The following HK1 variants were observed in gnomAD, a reference collection of about 807,000 sequenced individuals.
HK1 encodes hexokinase 1.
Under a neutral mutation model 91.6 loss-of-function variants are expected in HK1, and 28 were observed. The ratio of observed to expected loss-of-function variants is 0.31; its 90% CI spans 0.23 to 0.42. The LOEUF is 0.42. Ranked by LOEUF, HK1 falls within the 10% of genes least tolerant of loss-of-function variation. HK1 has a pLI of 1.00. For missense variants in HK1, 770 were observed against 1,219.8 expected (o/e 0.63, Z 5.49); for synonymous variants, 430 against 468.1 (o/e 0.92, Z 1.05).
intron 7 of HK1, among the ~76,000 whole-genome samples, chr10:69,371,626 T>A (rs1211331660): frequency 6.6e-6 from 1 of 152,210 alleles, no homozygotes; most frequent in Admixed American, 6.5e-5. Flanking sequence ...ATGCCACTTG[T>A]GGTAACTCGA....
At position 69,285,871 on chromosome 10, in the gene HK1, G is replaced by A. The variant is rs553335542; in HGVS notation, c.-214-2800G>A. ...CTCTGCTTTGAATGACCTTCAAAGC[G>A]AATGCCCTGGGCCAGTCCCAAGGGT... On this transcript the variant is annotated intron_variant, in intron 2 of 21. Coordinates refer to the HK1 transcript ENST00000360289. Among the ~76,000 whole-genome samples, 7 of 152,308 alleles carry A rather than the reference G, an allele frequency of 4.6e-5. No homozygotes were observed. In the South Asian group the frequency reaches 1.5e-3, roughly 32 times the overall value.
intron 7 of HK1, among the ~76,000 whole-genome samples, chr10:69,372,530 A>G (rs1028417679): frequency 1.3e-5 from 2 of 152,024 alleles, no homozygotes; most frequent in Non-Finnish European, 2.9e-5. Flanking sequence ...GCTCCATTTG[A>G]CTGATGGGAA....
chr10:69,357,172 C>T (rs1027764034), intron 2 of HK1, among the ~76,000 whole-genome samples: 2 of 152,136 alleles, frequency 1.3e-5, no homozygotes, highest in African/African-American at 2.4e-5. Context: ...TATTTGACAG[C>T]GATTCTTGTC....
At chr10:69,333,338 C>G (rs1847825641) in intron 1 of HK1, among the ~76,000 whole-genome samples, 1 of 152,162 alleles carries the variant, frequency 6.6e-6, no homozygotes, top group Admixed American at 6.5e-5. Flanking sequence ...GGTGCTGGGA[C>G]AGTGGGAATT....
At chr10:69,279,238 T>C (rs1424785146) in intron 1 of HK1, among the ~76,000 whole-genome samples, 1 of 152,220 alleles carries the variant, frequency 6.6e-6, no homozygotes, top group Non-Finnish European at 1.5e-5. Flanking sequence ...TGTCTCTTTC[T>C]AAAATGGGCT....
chr10:69,315,402 A>T (rs1271899452), upstream of HK1, among the ~76,000 whole-genome samples: 3 of 152,154 alleles, frequency 2.0e-5, no homozygotes, highest in African/African-American at 7.2e-5. Flanking sequence ...GCAGCCTGGC[A>T]CTGGTCACTC....
chr10:69,387,754 T>C (rs899049193), intron 13 of HK1, among the ~76,000 whole-genome samples: 6 of 152,130 alleles, frequency 3.9e-5, no homozygotes, highest in African/African-American at 1.4e-4. Context: ...CTTTGTTAGA[T>C]TACAGGTGTG....
Position 69,361,840 on chromosome 10 carries a change from G to A in HK1, c.375+1795G>A, listed in dbSNP as rs565764587. ...TTTTTTTTCTTCTTTTTTTTAAGAC[G>A]GAGTTTTACTCTTGTTGCCCAGGCT... On this transcript the variant is annotated intron_variant, in intron 3 of 17. Transcript: ENST00000359426. 5.5e-4 allele frequency among the ~76,000 whole-genome samples: 84 copies of A among 151,574 alleles called. 1 individual carries two copies. Among genetic ancestry groups the A allele is most frequent in the Admixed American group, 4.6e-4 (7 of 15,214 alleles).
At chr10:69,391,578 G>A (rs1041856603) in intron 14 of HK1, among the ~76,000 whole-genome samples, 4 of 152,342 alleles carry the variant, frequency 2.6e-5, no homozygotes, top group African/African-American at 9.6e-5. Context: ...GGAGGCGGAG[G>A]TTGCAGTGAG....
intron 3 of HK1, 133 bp downstream of exon 3, chr10:69,360,178 A>G: frequency 1.2e-6 from 1 of 860,390 alleles, no homozygotes; most frequent in Non-Finnish European, 1.9e-6. Context: ...TCATAGATGC[A>G]TATGTAAAAG....
chr10:69,307,736 G>T (rs1307002069), intron 5 of HK1, among the ~76,000 whole-genome samples: 1 of 152,084 alleles, frequency 6.6e-6, no homozygotes, highest in Non-Finnish European at 1.5e-5. Flanking sequence ...TTAGAACAAT[G>T]GTGTATAGTA....
intron 2 of HK1, among the ~76,000 whole-genome samples, chr10:69,357,950 A>G (rs551048381): frequency 1.3e-5 from 2 of 152,324 alleles, no homozygotes; most frequent in East Asian, 1.9e-4. Context: ...CGAATATACT[A>G]AAAACCATTG....
chr10:69,376,454 A>G (rs975248549), intron 7 of HK1, among the ~76,000 whole-genome samples: 7 of 152,154 alleles, frequency 4.6e-5, no homozygotes, highest in African/African-American at 1.7e-4. Context: ...CAGAGAGTCG[A>G]GATTGTGTCA....
chr10:69,393,488 G>T (rs1840003202), intron 15 of HK1, among the ~76,000 whole-genome samples: 1 of 152,116 alleles, frequency 6.6e-6, no homozygotes, highest in South Asian at 2.1e-4. Context: ...GTAGAGACCA[G>T]GTTTCACCAT....
At chr10:69,318,178 G>A, upstream of HK1, 1 of 985,478 alleles carries the variant, frequency 1.0e-6, no homozygotes, top group Non-Finnish European at 1.2e-6. Flanking sequence ...AAATCTGCCA[G>A]CTGGAGATTA....
chr10:69,328,954 A>G (rs1419501676), intron 1 of HK1, among the ~76,000 whole-genome samples: 2 of 152,126 alleles, frequency 1.3e-5, no homozygotes, highest in East Asian at 1.9e-4. Flanking sequence ...AATGTCTTCA[A>G]GGTTCATCCA....
At chr10:69,283,300 A>T (rs1844853738) in intron 2 of HK1, among the ~76,000 whole-genome samples, 1 of 150,104 alleles carries the variant, frequency 6.7e-6, no homozygotes, top group Non-Finnish European at 1.5e-5. Context: ...TAAAAAAAAA[A>T]AAAATTAGCC....
intron 12 of HK1, 106 bp downstream of exon 12, chr10:69,385,021 T>G (rs749106): frequency 0.12 from 157,098 of 1,260,658 alleles, 10,759 homozygotes; most frequent in South Asian, 0.22. Context: ...CATTCCTAGA[T>G]GACAGTCACA....
At chr10:69,350,261 G>A (rs1451632977) in intron 2 of HK1, among the ~76,000 whole-genome samples, 1 of 152,186 alleles carries the variant, frequency 6.6e-6, no homozygotes, top group Non-Finnish European at 1.5e-5. Flanking sequence ...GAGCTGGAGT[G>A]GGGATTCAGC....
Sources: allele counts gnomAD v4.1 joint callset (sites outside exome capture counted in the v4.1 genomes callset), GRCh38; gene constraint gnomAD v4.1.1; transcripts MANE v1.5; gene names NCBI Gene and HGNC (gene_info 2026-07-23, HGNC 2026-07-21).